The following RHBDD3 variants were observed in gnomAD, a reference collection of about 807,000 sequenced individuals.
The protein encoded by RHBDD3 is rhomboid domain-containing protein 3.
RHBDD3 carries 34 observed loss-of-function variants against 32.3 expected under a neutral mutation model. The observed-to-expected ratio is 1.05, with a 90% CI of 0.80 to 1.40. RHBDD3 has a LOEUF of 1.40. RHBDD3 is among the 40% of genes most tolerant of loss of function. RHBDD3 has a pLI of 0.00. For synonymous variants in RHBDD3, 249 were observed against 239.1 expected (o/e 1.04, Z -0.38); for missense variants, 482 against 492.6 (o/e 0.98, Z 0.20).
chr22:29,260,579 G>C lies in RHBDD3; in HGVS notation c.730C>G (p.Pro244Ala), dbSNP rs201272849. Residue 244 changes from proline (P) to alanine (A), a missense_variant, in exon 6 of 7, where the codon CCT becomes GCT. Physicochemically the swap from Pro to Ala is conservative, Grantham distance 27 (BLOSUM62 -1). Transcript: ENST00000216085. ...TCTTCCCAGTGGGACCAGAGGTCAG[G>C]GGAGGCCACATAAGGCGGTCCAGGG... ...PIPGPPYVAS[P>A]DLWSHWEDSA... 6.2e-7 allele frequency: 1 copy of C among 1,600,712 alleles called. No homozygotes were observed. Among genetic ancestry groups the C allele is most frequent in the Non-Finnish European group, 8.5e-7 (1 of 1,175,622 alleles).
chr22:29,264,277 C>T, intron 3 of RHBDD3, 59 bp from the exon 4 acceptor site: 1 of 1,458,246 alleles, frequency 6.9e-7, no homozygotes, highest in Non-Finnish European at 9.1e-7. Flanking sequence ...AAGGCTGTCC[C>T]AGGTGTGCCA....
At chr22:29,263,084 G>A (rs187293562) in intron 4 of RHBDD3, among the ~76,000 whole-genome samples, 4 of 151,978 alleles carry the variant, frequency 2.6e-5, no homozygotes, top group Admixed American at 6.6e-5. Flanking sequence ...TTGCCCTGTC[G>A]CCCAGGCTGG....
At chr22:29,265,883 G>C (rs1265451349) in intron 2 of RHBDD3, among the ~76,000 whole-genome samples, 1 of 152,058 alleles carries the variant, frequency 6.6e-6, no homozygotes, top group Non-Finnish European at 1.5e-5. Context: ...ACTGGCAGGG[G>C]ACAGGCATAG....
Position 29,260,383 on chromosome 22 carries a change from G to T in RHBDD3, c.926C>A (p.Pro309Gln), listed in dbSNP as rs1389984491. ...TGGTGCGCTCTGGGGTTCCTGGGCT[G>T]GCCCGTCAAGAAGCGAGGCCTGGAT... ...EGIQASLLDG[P>Q]AQEPQSAPWL... Residue 309 changes from proline (P) to glutamine (Q), a missense_variant, in exon 6 of 7, where the codon CCA becomes CAA. Pro to Gln is a moderately conservative substitution (Grantham distance 76, BLOSUM62 -1). Coordinates refer to ENST00000216085, the MANE Select transcript of RHBDD3 (RefSeq NM_012265.3). The T allele has an allele frequency of 6.2e-7, 1 of 1,612,472 alleles. No individual in the cohort carries two copies. The highest frequency in any genetic ancestry group is 2.2e-5 in the East Asian group (1 of 44,876).
At chr22:29,264,769 T>TTTCTG in intron 3 of RHBDD3, among the ~76,000 whole-genome samples, 1 of 152,238 alleles carries the variant, frequency 6.6e-6, no homozygotes, top group South Asian at 2.1e-4. Context: ...CTTAGCTGTT[T>TTTCTG]TTTTGTTTTG....
At position 29,260,708 on chromosome 22, in the gene RHBDD3, C is replaced by T. The variant is rs114640172; in HGVS notation, c.689G>A (p.Gly230Glu). 6.3e-7 allele frequency: 1 copy of T among 1,580,096 alleles called. No individual in the cohort carries two copies. The highest frequency in any genetic ancestry group is 8.6e-7 in the Non-Finnish European group (1 of 1,163,854). ...LAELPVTHPA[G>E]VRPPIPGPPY... ...TCCCCCCCATCACCCTCACCTCACT[C>T]CGGCAGGATGGGTGACAGGCAGCTC... is the stretch of plus-strand genomic sequence containing the variant. Residue 230 changes from glycine to glutamate, a missense_variant, in exon 5 of 7, where the codon GGA (glycine) becomes GAA (glutamate). By Grantham distance (98) the Gly-to-Glu change is moderately conservative. Transcript: ENST00000216085.
At chr22:29,266,085 TG>T (rs2058173069) in intron 2 of RHBDD3, among the ~76,000 whole-genome samples, 1 of 152,128 alleles carries the variant, frequency 6.6e-6, no homozygotes, top group South Asian at 2.1e-4. Flanking sequence ...CCCTTGACCC[TG>T]GGGTGGGGCC....
At chr22:29,265,713 A>C in intron 2 of RHBDD3, 45 bp from the exon 3 acceptor site, 1 of 1,471,996 alleles carries the variant, frequency 6.8e-7, no homozygotes, top group Non-Finnish European at 9.0e-7. Flanking sequence ...TGGAGCTTTT[A>C]TCTCACCAAT....
At chr22:29,264,274 T>A in intron 3 of RHBDD3, 56 bp from the exon 4 acceptor site, 1 of 1,465,024 alleles carries the variant, frequency 6.8e-7, no homozygotes, top group Non-Finnish European at 9.0e-7. Context: ...TCCAAGGCTG[T>A]CCCAGGTGTG....
rs2058154719 is a variant in RHBDD3 at position 29,264,432 on chromosome 22, C to G, written c.149-214G>C. 3 of 1,373,368 alleles carry G rather than the reference C, an allele frequency of 2.2e-6. No individual in the cohort carries two copies. The South Asian group carries it at 5.8e-5, about 26-fold the overall frequency. The allele number at this position is 1,373,368 out of a possible 1,614,324, so 85.1% of individuals were successfully genotyped here. ...GTGGCTACGCCTCTGTGGTATTAAA[C>G]AGAATACACTGGACGTGCCACTCAG... On this transcript the variant is annotated intron_variant, in intron 3 of 6. Transcript: ENST00000216085.
At chr22:29,261,189 C>T in intron 4 of RHBDD3, 1 of 557,346 alleles carries the variant, frequency 1.8e-6, no homozygotes, top group Non-Finnish European at 3.4e-6. Context: ...GAAGAAGTCC[C>T]ATGGACACAC....
Position 29,260,210 on chromosome 22 carries a change from G to A in RHBDD3, c.1011C>T (p.Phe337=). ...LRLQQLERMG[F]PTEQAVVALA... ...GTGCCACCACCGCCTGCTCCGTAGG[G>A]AAGCCCATGCGCTCCAGCTGCTGCA... Residue 337 remains phenylalanine (F), a synonymous_variant, in exon 7 of 7, where the codon TTC becomes TTT. Transcript: ENST00000216085. The A allele has an allele frequency of 1.3e-6, 2 of 1,599,102 alleles. No individual in the cohort carries two copies. Among genetic ancestry groups the A allele is most frequent in the Non-Finnish European group, 1.7e-6 (2 of 1,173,506 alleles).
intron 2 of RHBDD3, among the ~76,000 whole-genome samples, chr22:29,266,556 T>C (rs1042294018): frequency 6.6e-6 from 1 of 152,152 alleles, no homozygotes; most frequent in South Asian, 2.1e-4. Context: ...AAGGCCTCAA[T>C]ATGGAGGTGG....
chr22:29,260,170 GGCCTGTGGCTGCCAGTGCCACCACC>G lies in RHBDD3; in HGVS notation c.1026_1050del (p.Val344TrpfsTer19). 1 of 1,590,106 alleles carries G rather than the reference GGCCTGTGGCTGCCAGTGCCACCACC, an allele frequency of 6.3e-7. No individual in the cohort carries two copies. The highest frequency in any genetic ancestry group is 8.6e-7 in the Non-Finnish European group (1 of 1,168,372). On this transcript the variant is annotated frameshift_variant, in exon 7 of 7. Transcript: ENST00000216085. LOFTEE classifies it high-confidence loss of function. ...AACAGTGACACGGCACCCTCCACACGGCCTGTGGCTGCCAGTGCCACCACCGCCTGCTCCGTAGGGAAGCCCATGC... is the reference window on the plus strand; with the variant it reads ...AACAGTGACACGGCACCCTCCACACGGCCTGCTCCGTAGGGAAGCCCATGC...
chr22:29,267,638 A>ACCGGGGATAGGGTC, intron 1 of RHBDD3, 61 bp from the exon 2 acceptor site: 1 of 155,590 alleles, frequency 6.4e-6, no homozygotes, highest in Non-Finnish European at 1.4e-5. Flanking sequence ...CTCGACCGTT[A>ACCGGGGATAGGGTC]CCGGGGATAG....
Position 29,265,602 on chromosome 22 carries a change from G to A in RHBDD3, c.25C>T (p.Gln9Ter). MHARGPHG[Q>*]LSPALPLASS... ...GCCAGAGGCAGTGCTGGGGACAGTTGGCCATGGGGGCCCCTGGCATGCATC... is the reference window on the plus strand; with the variant it reads ...GCCAGAGGCAGTGCTGGGGACAGTTAGCCATGGGGGCCCCTGGCATGCATC... The change falls in exon 3 of 7, where the codon CAA becomes TAA. Residue 9 changes from glutamine to a stop codon, truncating the protein, a stop_gained. Coordinates refer to ENST00000216085, the MANE Select transcript of RHBDD3 (RefSeq NM_012265.3). LOFTEE classifies it high-confidence loss of function. The A allele has an allele frequency of 6.3e-7, 1 of 1,590,190 alleles. No homozygotes were observed. The highest frequency in any genetic ancestry group is 1.1e-5 in the South Asian group (1 of 87,866).
intron 4 of RHBDD3, 31 bp downstream of exon 4, chr22:29,263,804 C>G: frequency 6.7e-7 from 1 of 1,486,050 alleles, no homozygotes; most frequent in Non-Finnish European, 9.0e-7. Context: ...CCCACACATC[C>G]CCACGGGCCC....
chr22:29,264,603 G>A, intron 3 of RHBDD3: 1 of 806,788 alleles, frequency 1.2e-6, no homozygotes, highest in Non-Finnish European at 1.5e-6. Flanking sequence ...CCCTCAAGCT[G>A]TGTGACCCTG....
chr22:29,267,516 G>C lies in RHBDD3; in HGVS notation c.-133C>G, dbSNP rs1287518556. 6.5e-6 allele frequency: 1 copy of C among 152,786 alleles called. No homozygotes were observed. The allele number at this position is 152,786 out of a possible 1,614,324, so 9.5% of individuals were successfully genotyped here. A position where few individuals can be genotyped will look rare whatever the true frequency, so the allele number is the denominator to read the frequency against. ...AGTAGGGGGTCCCAGGATCTGTCTGGTTCGAACTCAGCTGGTGACTTTGCA... is the reference window on the plus strand; with the variant it reads ...AGTAGGGGGTCCCAGGATCTGTCTGCTTCGAACTCAGCTGGTGACTTTGCA... On this transcript the variant is annotated 5_prime_UTR_variant, in exon 2 of 7. Transcript: ENST00000216085.
Sources: gnomAD v4.1 joint callset for allele counts (sites outside exome capture counted in the v4.1 genomes callset) on GRCh38, gnomAD v4.1.1 for gene constraint, MANE v1.5 for transcripts, NCBI Gene and HGNC (gene_info 2026-07-23, HGNC 2026-07-21) for gene names.